The following CTNNA3 variants were observed in gnomAD, a reference collection of about 807,000 sequenced individuals.
The protein encoded by CTNNA3 is catenin alpha-3.
CTNNA3 carries 76 observed loss-of-function variants against 95.7 expected under a neutral mutation model. That is an observed-to-expected ratio of 0.79 (90% CI 0.66 to 0.96). The LOEUF is 0.96. CTNNA3 is among the 40% of genes least tolerant of loss of function. CTNNA3 has a pLI of 0.00. For missense variants in CTNNA3, 1,191 were observed against 1,089.8 expected (o/e 1.09, Z -1.31); for synonymous variants, 431 against 374.4 (o/e 1.15, Z -1.74).
intron 17 of CTNNA3, among the ~76,000 whole-genome samples, chr10:65,935,488 T>C (rs569021712): frequency 4.6e-5 from 7 of 152,284 alleles, no homozygotes; most frequent in South Asian, 2.1e-4. Context: ...GCTAGAGTTT[T>C]GGTGATTTGA....
At chr10:67,380,153 G>A (rs1450404447) in intron 5 of CTNNA3, among the ~76,000 whole-genome samples, 2 of 151,886 alleles carry the variant, frequency 1.3e-5, no homozygotes, top group Non-Finnish European at 2.9e-5. Flanking sequence ...TGCTGAAGAA[G>A]AAATAAGAGG....
chr10:66,909,267 C>A (rs935927412), intron 7 of CTNNA3, among the ~76,000 whole-genome samples: 4 of 152,082 alleles, frequency 2.6e-5, no homozygotes, highest in African/African-American at 9.7e-5. Context: ...GTATTCCCTG[C>A]AATTTAGGAG....
chr10:66,845,708 A>AAAAAAAAAAAC (rs1204933430), intron 7 of CTNNA3, among the ~76,000 whole-genome samples: 4,616 of 77,014 alleles, frequency 0.06, 504 homozygotes, highest in Non-Finnish European at 0.088. Context: ...TGTCTCAAAA[A>AAAAAAAAAAAC]AAAAAAAAAA....
chr10:66,775,425 T>C lies in CTNNA3; in HGVS notation c.1128+19A>G. On this transcript the variant is annotated intron_variant, in intron 8 of 17. Transcript: ENST00000433211. ...TTTAGCCCCTATGTTTCTGACTCCATATCTCTCTCTTCCCTCACCTGTCTG... is the reference window on the plus strand; with the variant it reads ...TTTAGCCCCTATGTTTCTGACTCCACATCTCTCTCTTCCCTCACCTGTCTG... The C allele has an allele frequency of 6.4e-7, 1 of 1,558,250 alleles. No homozygotes were observed. Among genetic ancestry groups the C allele is most frequent in the Non-Finnish European group, 8.8e-7 (1 of 1,136,318 alleles).
At chr10:66,038,739 A>G (rs2079619173) in intron 15 of CTNNA3, among the ~76,000 whole-genome samples, 2 of 152,158 alleles carry the variant, frequency 1.3e-5, no homozygotes, top group Admixed American at 1.3e-4. Context: ...GTTTCCCTGG[A>G]TACCTCAAAA....
At chr10:67,187,114 T>C (rs917518379) in intron 6 of CTNNA3, among the ~76,000 whole-genome samples, 5 of 152,148 alleles carry the variant, frequency 3.3e-5, no homozygotes, top group African/African-American at 1.2e-4. Context: ...TTAAAGACTT[T>C]AAGTAACTTA....
intron 7 of CTNNA3, among the ~76,000 whole-genome samples, chr10:67,148,827 A>G (rs1371245558): frequency 6.6e-6 from 1 of 152,226 alleles, no homozygotes; most frequent in Admixed American, 6.5e-5. Context: ...TAAATCCACA[A>G]TAGGACTTCT....
intron 5 of CTNNA3, among the ~76,000 whole-genome samples, chr10:67,295,571 C>G (rs1840000969): frequency 6.6e-6 from 1 of 152,134 alleles, no homozygotes; most frequent in Non-Finnish European, 1.5e-5. Context: ...CATAATGCAG[C>G]TATTTAAAGT....
chr10:66,350,207 T>G (rs533377407), intron 12 of CTNNA3, among the ~76,000 whole-genome samples: 10 of 152,214 alleles, frequency 6.6e-5, no homozygotes, highest in African/African-American at 2.2e-4. Flanking sequence ...AATTGGCTCT[T>G]CTGTGAACAT....
At chr10:66,598,170 C>T (rs1174080215) in intron 10 of CTNNA3, among the ~76,000 whole-genome samples, 1 of 151,936 alleles carries the variant, frequency 6.6e-6, no homozygotes, top group Non-Finnish European at 1.5e-5. Flanking sequence ...AAAATAACAT[C>T]TCAATAGATG....
chr10:66,090,965 T>C (rs766183269), intron 14 of CTNNA3, among the ~76,000 whole-genome samples: 1 of 151,988 alleles, frequency 6.6e-6, no homozygotes, highest in East Asian at 1.9e-4. Flanking sequence ...ATTTTTAGAA[T>C]ATTAGAAAGC....
intron 10 of CTNNA3, among the ~76,000 whole-genome samples, chr10:66,552,548 G>C (rs1231115339): frequency 6.6e-6 from 1 of 152,084 alleles, no homozygotes; most frequent in Non-Finnish European, 1.5e-5. Context: ...AGCATATTCA[G>C]TTCTGATCCA....
rs527565218 is a variant in CTNNA3, at chr10:66,447,152, A to T, written c.1532-67800T>A. 2.6e-5 allele frequency among the ~76,000 whole-genome samples: 4 copies of T among 152,076 alleles called. No individual in the cohort carries two copies. The East Asian group carries it at 7.7e-4, about 29-fold the overall frequency. ...AGGGCCTCTTCAAGGAGAACTACAA[A>T]CCACTGCTCAATGAAATAAAAGAGG... On this transcript the variant is annotated intron_variant, in intron 11 of 17. Coordinates refer to ENST00000433211, the MANE Select transcript of CTNNA3 (RefSeq NM_013266.4).
At chr10:66,411,057 C>T (rs544675096) in intron 11 of CTNNA3, among the ~76,000 whole-genome samples, 7 of 152,308 alleles carry the variant, frequency 4.6e-5, no homozygotes, top group Admixed American at 2.0e-4. Flanking sequence ...TAGCTTCTCT[C>T]AACTTCAATT....
intron 7 of CTNNA3, among the ~76,000 whole-genome samples, chr10:66,781,832 G>A (rs1840547218): frequency 6.6e-6 from 1 of 152,018 alleles, no homozygotes; most frequent in African/African-American, 2.4e-5. Context: ...TGTCTCAACT[G>A]CTGTTCACAA....
intron 14 of CTNNA3, among the ~76,000 whole-genome samples, chr10:66,078,467 G>A (rs2080621555): frequency 6.6e-6 from 1 of 151,788 alleles, no homozygotes; most frequent in African/African-American, 2.4e-5. Flanking sequence ...AATTCTAGAT[G>A]AATTCTGACC....
At chr10:66,627,181 A>G (rs560379006) in intron 9 of CTNNA3, among the ~76,000 whole-genome samples, 261 of 152,280 alleles carry the variant, frequency 1.7e-3, no homozygotes, top group African/African-American at 6.2e-3. Flanking sequence ...AAAGGCTAAA[A>G]ATTAAAATAA....
chr10:66,179,643 A>G (rs549824925), intron 13 of CTNNA3, among the ~76,000 whole-genome samples: 65 of 152,294 alleles, frequency 4.3e-4, no homozygotes, highest in African/African-American at 1.1e-3. Context: ...ATCTCCATAA[A>G]GGCAATCACA....
chr10:66,902,519 A>G (rs1052917550), intron 7 of CTNNA3, among the ~76,000 whole-genome samples: 1 of 152,224 alleles, frequency 6.6e-6, no homozygotes, highest in Non-Finnish European at 1.5e-5. Flanking sequence ...AAGGCTAAAA[A>G]TAACTAAGAT....
Sources: gnomAD v4.1 joint callset for allele counts (sites outside exome capture counted in the v4.1 genomes callset) on GRCh38, gnomAD v4.1.1 for gene constraint, MANE v1.5 for transcripts, NCBI Gene and HGNC (gene_info 2026-07-23, HGNC 2026-07-21) for gene names.